Variants in ZAN observed in about 807,000 individuals in gnomAD.
ZAN encodes zonadhesin.
A neutral mutation model predicts 286.2 loss-of-function variants in ZAN; 260 were observed. That is an observed-to-expected ratio of 0.91 (90% CI 0.82 to 1.01). The LOEUF (loss-of-function observed/expected upper bound fraction) is 1.01, where lower values mean the gene tolerates loss of function less well. ZAN is among the 50% of genes least tolerant of loss of function. ZAN has a pLI of 0.00. For missense variants in ZAN, 3,410 were observed against 3,639.2 expected, an observed-to-expected ratio of 0.94 and a Z score of 1.62; for synonymous variants, 1,368 against 1,417.5, an observed-to-expected ratio of 0.97 and a Z score of 0.79.
At chr7:100,767,632 G>A (rs905509656) in intron 25 of ZAN, among the ~76,000 whole-genome samples, 199 bp from the exon 26 acceptor site, 4 of 151,106 alleles carry the variant, frequency 2.6e-5, no homozygotes, top group Non-Finnish European at 5.9e-5. Context: ...TGCACCACCT[G>A]CACGGCTAAT....
At chr7:100,737,531 C>T (rs1034101330) in intron 6 of ZAN, among the ~76,000 whole-genome samples, 182 bp downstream of exon 6, 6 of 138,280 alleles carry the variant, frequency 4.3e-5, no homozygotes, top group Non-Finnish European at 9.7e-5. Context: ...ACGGTGAAGC[C>T]CCGTCTCTAC....
intron 28 of ZAN, among the ~76,000 whole-genome samples, chr7:100,771,001 A>G (rs1810335413): frequency 6.6e-6 from 1 of 151,956 alleles, no homozygotes; most frequent in Non-Finnish European, 1.5e-5. Context: ...ACAACATTTC[A>G]CCATGTTGGC....
Position 100,760,511 on chromosome 7 carries a change from C to T in ZAN, c.3817C>T (p.Gln1273Ter). The T allele has an allele frequency of 6.2e-7, 1 of 1,613,954 alleles. No homozygotes were observed. Among genetic ancestry groups the T allele is most frequent in the Non-Finnish European group, 8.5e-7 (1 of 1,179,884 alleles). The change falls in exon 19 of 48, where the codon CAG becomes TAG. Residue 1273 changes from glutamine (Q) to a stop codon, truncating the protein, a stop_gained. Transcript: ENST00000613979. LOFTEE classifies it high-confidence loss of function. Reference protein sequence around the residue: ...FGLRVRWDGDQQLYVTVSSTY... With the variant: ...FGLRVRWDGD ...TTTGCGGGTGAGATGGGATGGTGAC[C>T]AGCAGCTGTATGTTACTGTGTCCAG...
intron 11 of ZAN, among the ~76,000 whole-genome samples, chr7:100,749,721 C>CAT (rs199910952): frequency 0.18 from 24,964 of 141,326 alleles, 2,776 homozygotes; most frequent in East Asian, 0.27. Context: ...TACACACACA[C>CAT]ACATATATAT....
At position 100,752,156 on chromosome 7, in the gene ZAN, T is replaced by C. The variant is rs1456950122; in HGVS notation, c.2051T>C (p.Ile684Thr). The change falls in exon 14 of 48, where the codon ATC becomes ACC. Residue 684 changes from isoleucine (I) to threonine (T), a missense_variant. Physicochemically the swap from Ile to Thr is moderately conservative, Grantham distance 89 (BLOSUM62 -1). Coordinates refer to ENST00000613979, the MANE Select transcript of ZAN (RefSeq NM_003386.3). The stretch of plus-strand genomic sequence containing the variant: ...GTCATCCCTACAGAAAAACCCAGCA[T>C]CCCTACAGAAAAACCCAGCATCCCC... The part of the protein sequence containing the change: ...EPVIPTEKPS[I>T]PTEKPSIPTE... The C allele has an allele frequency of 6.2e-7, 1 of 1,606,834 alleles. No homozygotes were observed. The highest frequency in any genetic ancestry group is 8.5e-7 in the Non-Finnish European group (1 of 1,178,654).
chr7:100,781,362 G>A (rs919306750), intron 35 of ZAN, among the ~76,000 whole-genome samples: 8 of 152,068 alleles, frequency 5.3e-5, no homozygotes, highest in African/African-American at 1.7e-4. Flanking sequence ...CATCTCAACC[G>A]GCCAAGAAAG....
chr7:100,767,148 G>A lies in ZAN; in HGVS notation c.4751G>A (p.Ser1584Asn), dbSNP rs758163557. The A allele has an allele frequency of 1.2e-6, 2 of 1,613,826 alleles. No individual in the cohort carries two copies. Among genetic ancestry groups the A allele is most frequent in the East Asian group, 2.2e-5 (1 of 44,870 alleles). ...TCCCAAGACAGCTATTTTGTTGTGA[G>A]CGCCACCAACGAGAACCGCGGGGGG... ...SRSQDSYFVV[S>N]ATNENRGGIL... Residue 1584 changes from serine (S) to asparagine (N), a missense_variant, in exon 25 of 48, where the codon AGC (serine) becomes AAC (asparagine). Coordinates refer to ENST00000613979, the MANE Select transcript of ZAN (RefSeq NM_003386.3).
intron 37 of ZAN, among the ~76,000 whole-genome samples, chr7:100,787,186 T>C (rs1811615418): frequency 6.6e-6 from 1 of 151,800 alleles, no homozygotes; most frequent in African/African-American, 2.4e-5. Flanking sequence ...CTTTGGACTT[T>C]GGGAGGCCAA....
rs1180314205 is a variant in ZAN at position 100,794,166 on chromosome 7, G to A, written c.8033G>A (p.Cys2678Tyr). The A allele has an allele frequency of 1.1e-5, 17 of 1,613,916 alleles. No individual in the cohort carries two copies. Among genetic ancestry groups the A allele is most frequent in the Non-Finnish European group, 1.4e-5 (16 of 1,179,904 alleles). The change falls in exon 44 of 48, where the codon TGT becomes TAT. Residue 2678 changes from cysteine to tyrosine, a missense_variant. Coordinates refer to ENST00000613979, the MANE Select transcript of ZAN (RefSeq NM_003386.3). The stretch of plus-strand genomic sequence containing the variant: ...GAGGACTGCTCTCAGCGGTGCACCT[G>A]TGCCAGCTCACGGATCCTGCTGTGT... ...LTEDCSQRCT[C>Y]ASSRILLCEP...
chr7:100,754,264 C>T (rs1808992032), intron 14 of ZAN, among the ~76,000 whole-genome samples: 1 of 151,996 alleles, frequency 6.6e-6, no homozygotes. Context: ...CGAGACCATC[C>T]TGGCTAACAC....
rs1809639025 is a variant in ZAN at position 100,762,246 on chromosome 7, G to A, written c.3874G>A (p.Gly1292Arg). The change falls in exon 20 of 48, where the codon GGG becomes AGG. Residue 1292 changes from glycine to arginine, a missense_variant. Transcript: ENST00000613979. ...CTCTGGCAAACTCTGTGGTTTGTGTGGGAACTATGACGGCAACAGTGACAA... is the reference window on the plus strand; with the variant it reads ...CTCTGGCAAACTCTGTGGTTTGTGTAGGAACTATGACGGCAACAGTGACAA... ...TYSGKLCGLCGNYDGNSDNDH... is the reference protein window; with the variant it reads ...TYSGKLCGLCRNYDGNSDNDH... The A allele has an allele frequency of 1.9e-6, 3 of 1,613,268 alleles. No individual in the cohort carries two copies. The highest frequency in any genetic ancestry group is 1.7e-5 in the Admixed American group (1 of 59,898).
chr7:100,746,014 A>G (rs1808192022), intron 7 of ZAN, among the ~76,000 whole-genome samples: 1 of 152,076 alleles, frequency 6.6e-6, no homozygotes, highest in Admixed American at 6.6e-5. Context: ...ATTTGAACCT[A>G]GGAGTTCAAG....
intron 15 of ZAN, among the ~76,000 whole-genome samples, chr7:100,757,286 C>T (rs901978302): frequency 4.6e-5 from 7 of 152,108 alleles, no homozygotes; most frequent in Non-Finnish European, 1.0e-4. Flanking sequence ...CCACCACACC[C>T]AGCCTACTTA....
chr7:100,787,058 T>C (rs1041435867), intron 37 of ZAN, among the ~76,000 whole-genome samples: 2 of 148,346 alleles, frequency 1.3e-5, no homozygotes, highest in African/African-American at 5.0e-5. Context: ...TGAGATCTTG[T>C]CTCAAAAAAA....
At chr7:100,762,042 A>G (rs1390736493) in intron 19 of ZAN, among the ~76,000 whole-genome samples, 173 bp from the exon 20 acceptor site, 3 of 152,060 alleles carry the variant, frequency 2.0e-5, no homozygotes, top group Non-Finnish European at 4.4e-5. Context: ...CAATGAACAG[A>G]GGGGAAGGAG....
Position 100,773,493 on chromosome 7 carries a change from G to A in ZAN, c.5634G>A (p.Pro1878=), listed in dbSNP as rs779344893. The change falls in exon 30 of 48, where the codon CCG becomes CCA. Residue 1878 remains proline (P), a splice_region_variant and synonymous_variant. Transcript: ENST00000613979. ...CTGACCCAGCGGGCTCCTACCACCC[G>A]GTGAGAGGCCAGCTAGGAGGGGCCC... ...GCTDPAGSYH[P]VGERWYTENT... 2.4e-5 allele frequency: 39 copies of A among 1,612,952 alleles called. No individual in the cohort carries two copies. The highest frequency in any genetic ancestry group is 1.2e-4 in the African/African-American group (9 of 74,914).
intron 35 of ZAN, among the ~76,000 whole-genome samples, chr7:100,781,051 T>TA (rs1811168780): frequency 6.6e-6 from 1 of 152,036 alleles, no homozygotes; most frequent in Non-Finnish European, 1.5e-5. Flanking sequence ...TAAGAAGGTT[T>TA]ATTTTATTTA....
chr7:100,796,083 A>C (rs766974917), intron 45 of ZAN, among the ~76,000 whole-genome samples: 1 of 151,952 alleles, frequency 6.6e-6, no homozygotes, highest in Non-Finnish European at 1.5e-5. Context: ...CTCAAAAAAA[A>C]CAAAAAACAA....
intron 34 of ZAN, 79 bp downstream of exon 34, chr7:100,776,643 T>TCCCTCCCCTC (rs71126336): frequency 5.3e-6 from 4 of 749,336 alleles, no homozygotes; most frequent in Non-Finnish European, 7.4e-6. Flanking sequence ...TCCCTTCCCT[T>TCCCTCCCCTC]CCCTCCCCTC....
Sources: allele counts gnomAD v4.1 joint callset (sites outside exome capture counted in the v4.1 genomes callset), GRCh38; gene constraint gnomAD v4.1.1; transcripts MANE v1.5; gene names NCBI Gene and HGNC (gene_info 2026-07-23, HGNC 2026-07-21).